The following SNTB1 variants were observed in gnomAD, a reference collection of about 807,000 sequenced individuals.
The protein encoded by SNTB1 is syntrophin beta 1, also known as beta-1-syntrophin.
A neutral mutation model predicts 48.9 loss-of-function variants in SNTB1; 36 were observed. The ratio of observed to expected loss-of-function variants is 0.74; its 90% CI spans 0.56 to 0.97. The LOEUF (loss-of-function observed/expected upper bound fraction) is 0.97. Ranked by LOEUF, SNTB1 falls within the 50% of genes least tolerant of loss-of-function variation. SNTB1 has a pLI of 0.00. For synonymous variants in SNTB1, 299 were observed against 294.6 expected (o/e 1.01, Z -0.15); for missense variants, 786 against 703.4 (o/e 1.12, Z -1.33).
At chr8:120,571,636 C>T (rs1301754011) in intron 4 of SNTB1, among the ~76,000 whole-genome samples, 2 of 151,654 alleles carry the variant, frequency 1.3e-5, no homozygotes, top group Non-Finnish European at 2.9e-5. Context: ...CAGCTGGGAA[C>T]CACAGTTGTG....
At chr8:120,750,817 T>A (rs1819200605) in intron 1 of SNTB1, among the ~76,000 whole-genome samples, 1 of 152,048 alleles carries the variant, frequency 6.6e-6, no homozygotes, top group Non-Finnish European at 1.5e-5. Flanking sequence ...GGCTTCCCTC[T>A]TCCAAGCAGA....
In SNTB1 at chr8:120,547,832, G is replaced by T. The variant is rs150093946; in HGVS notation, c.1333+930C>A. 1.3e-3 allele frequency among the ~76,000 whole-genome samples: 204 copies of T among 152,240 alleles called. 1 individual carries two copies. The highest frequency in any genetic ancestry group is 1.0e-4 in the Non-Finnish European group (7 of 68,028). On this transcript the variant is annotated intron_variant, in intron 5 of 6. Coordinates refer to ENST00000517992, the MANE Select transcript of SNTB1 (RefSeq NM_021021.4). ...CCTCTTCATTCACACCAGGGCAGGG[G>T]CACTGGTCACTCTTCCCAGAACTGT...
At chr8:120,782,343 C>T (rs1746021453) in intron 1 of SNTB1, among the ~76,000 whole-genome samples, 1 of 152,102 alleles carries the variant, frequency 6.6e-6, no homozygotes, top group Non-Finnish European at 1.5e-5. Flanking sequence ...CACAATTCAA[C>T]CCATGAAACC....
In SNTB1 at chr8:120,765,000, C is replaced by T. The variant is rs373281729; in HGVS notation, c.571+46273G>A. 2.1e-3 allele frequency among the ~76,000 whole-genome samples: 315 copies of T among 152,088 alleles called. 1 individual carries two copies. The highest frequency in any genetic ancestry group is 7.2e-3 in the African/African-American group (298 of 41,484). ...TAGCACTCCAGGAGGCCGAGGTGGGCGGATCACCTGAGGTCAGGAGTTTGA... is the reference window on the plus strand; with the variant it reads ...TAGCACTCCAGGAGGCCGAGGTGGGTGGATCACCTGAGGTCAGGAGTTTGA... On this transcript the variant is annotated intron_variant, in intron 1 of 6. Transcript: ENST00000517992.
intron 1 of SNTB1, among the ~76,000 whole-genome samples, chr8:120,760,237 T>G (rs889083818): frequency 6.6e-6 from 1 of 151,110 alleles, no homozygotes; most frequent in African/African-American, 2.4e-5. Flanking sequence ...CTTTGGTTTC[T>G]GGTTCTGTAA....
At chr8:120,551,728 A>C (rs1003440056) in intron 4 of SNTB1, among the ~76,000 whole-genome samples, 50 of 144,070 alleles carry the variant, frequency 3.5e-4, no homozygotes, top group African/African-American at 1.1e-3. Context: ...TCCATCTCAA[A>C]AAAAAAAAAA....
intron 4 of SNTB1, among the ~76,000 whole-genome samples, chr8:120,564,389 G>T (rs2130671762): frequency 6.7e-6 from 1 of 148,264 alleles, no homozygotes; most frequent in Admixed American, 6.8e-5. Context: ...CAGGAAGATG[G>T]TCCTCACCAG....
At chr8:120,648,899 T>C (rs985412552) in intron 2 of SNTB1, among the ~76,000 whole-genome samples, 11 of 152,012 alleles carry the variant, frequency 7.2e-5, no homozygotes, top group South Asian at 2.1e-4. Context: ...CTTCCCTTCT[T>C]GCTTCATTTC....
chr8:120,604,189 C>A (rs1275675761), intron 3 of SNTB1, among the ~76,000 whole-genome samples: 1 of 152,166 alleles, frequency 6.6e-6, no homozygotes, highest in Non-Finnish European at 1.5e-5. Context: ...AATTGGAGAG[C>A]CATCAGAAAC....
chr8:120,582,774 G>C (rs761534310), intron 3 of SNTB1, among the ~76,000 whole-genome samples: 19 of 152,126 alleles, frequency 1.2e-4, no homozygotes, highest in Non-Finnish European at 2.6e-4. Context: ...TGGGGGACAA[G>C]GGGAGGGAGA....
intron 4 of SNTB1, among the ~76,000 whole-genome samples, chr8:120,569,043 G>A (rs4515596): frequency 0.12 from 18,699 of 152,186 alleles, 1,539 homozygotes; most frequent in Non-Finnish European, 0.16. Context: ...GTGCAGTGGC[G>A]CGATCTCGGC....
At position 120,581,103 on chromosome 8, in the gene SNTB1, A is replaced by G. The variant is rs1036687953; in HGVS notation, c.997-5878T>C. 1.1e-3 allele frequency among the ~76,000 whole-genome samples: 169 copies of G among 149,070 alleles called. 1 individual carries two copies. Among genetic ancestry groups the G allele is most frequent in the Non-Finnish European group, 2.2e-3 (148 of 67,676 alleles). On this transcript the variant is annotated intron_variant, in intron 3 of 6. Transcript: ENST00000517992. ...GACCCTGTCTCAAAAAAAAAAAAAA[A>G]AAAAGAGAAAGAAAAAGACATCTAG...
intron 3 of SNTB1, among the ~76,000 whole-genome samples, chr8:120,595,332 A>C (rs1327477348): frequency 1.3e-5 from 2 of 152,192 alleles, no homozygotes; most frequent in Admixed American, 6.5e-5. Context: ...GAAGCTGGCC[A>C]AAACCCACCA....
At chr8:120,693,083 C>G (rs944118590) in intron 2 of SNTB1, among the ~76,000 whole-genome samples, 1 of 152,072 alleles carries the variant, frequency 6.6e-6, no homozygotes, top group African/African-American at 2.4e-5. Flanking sequence ...AGAGAGGGAG[C>G]AAGAAAGAGC....
intron 1 of SNTB1, among the ~76,000 whole-genome samples, chr8:120,792,269 ATGTTCT>A (rs1303771730): frequency 7.3e-6 from 1 of 137,716 alleles, no homozygotes; most frequent in Non-Finnish European, 1.5e-5. Flanking sequence ...TAAATACTGT[ATGTTCT>A]CATAAGTGGG....
At chr8:120,707,819 T>G (rs1818401537) in intron 1 of SNTB1, among the ~76,000 whole-genome samples, 1 of 152,126 alleles carries the variant, frequency 6.6e-6, no homozygotes, top group Non-Finnish European at 1.5e-5. Flanking sequence ...TCAAGTAACA[T>G]GAAGACATGA....
At chr8:120,735,102 C>T (rs767308062) in intron 1 of SNTB1, among the ~76,000 whole-genome samples, 1 of 152,154 alleles carries the variant, frequency 6.6e-6, no homozygotes, top group African/African-American at 2.4e-5. Context: ...TGCTCTGGTG[C>T]AAGAGGGCTG....
At chr8:120,728,744 T>C (rs1387988082) in intron 1 of SNTB1, among the ~76,000 whole-genome samples, 3 of 152,256 alleles carry the variant, frequency 2.0e-5, no homozygotes, top group African/African-American at 7.2e-5. Context: ...CCACCGTTCA[T>C]AGGCACCTAG....
At chr8:120,657,510 T>A (rs1817522162) in intron 2 of SNTB1, among the ~76,000 whole-genome samples, 1 of 152,158 alleles carries the variant, frequency 6.6e-6, no homozygotes, top group Non-Finnish European at 1.5e-5. Flanking sequence ...GGCATGGAAA[T>A]GGGAATTGGC....
Sources: allele counts gnomAD v4.1 joint callset (sites outside exome capture counted in the v4.1 genomes callset), GRCh38; gene constraint gnomAD v4.1.1; transcripts MANE v1.5; gene names NCBI Gene and HGNC (gene_info 2026-07-23, HGNC 2026-07-21).